Variants in FOXO1 observed in about 807,000 individuals in gnomAD.
FOXO1 encodes the protein forkhead box protein O1.
Under a neutral mutation model 44.1 loss-of-function variants are expected in FOXO1, and 6 were observed. The observed-to-expected ratio is 0.14, with a 90% CI of 0.07 to 0.27. FOXO1 has a LOEUF of 0.27. FOXO1 is among the 10% of genes least tolerant of loss of function. The pLI, the probability that FOXO1 is intolerant of heterozygous loss-of-function variation, is 1.00. For missense variants in FOXO1, 737 were observed against 888.8 expected (o/e 0.83, Z 2.17); for synonymous variants, 380 against 362.7 (o/e 1.05, Z -0.54).
At chr13:40,647,555 C>T (rs1593414114) in intron 1 of FOXO1, among the ~76,000 whole-genome samples, 1 of 151,180 alleles carries the variant, frequency 6.6e-6, no homozygotes, top group Non-Finnish European at 1.5e-5. Context: ...CAGCCGTGCA[C>T]CACCACATCT....
intron 1 of FOXO1, among the ~76,000 whole-genome samples, chr13:40,607,522 T>C (rs1398273989): frequency 1.9e-5 from 1 of 51,848 alleles, no homozygotes; most frequent in African/African-American, 7.7e-5. Context: ...CTGTACTAGA[T>C]GGGTGGGAGG....
chr13:40,610,708 AT>A (rs1876199181), intron 1 of FOXO1, among the ~76,000 whole-genome samples: 1 of 152,360 alleles, frequency 6.6e-6, no homozygotes, highest in South Asian at 2.1e-4. Context: ...ACTACAATCC[AT>A]TTTAAAAAGA....
At chr13:40,631,611 G>A (rs759085592) in intron 1 of FOXO1, among the ~76,000 whole-genome samples, 2 of 152,164 alleles carry the variant, frequency 1.3e-5, no homozygotes, top group Non-Finnish European at 2.9e-5. Flanking sequence ...GAATAGAGTA[G>A]GACACAAGTT....
intron 1 of FOXO1, among the ~76,000 whole-genome samples, chr13:40,615,998 T>C (rs1876410365): frequency 6.6e-6 from 1 of 152,088 alleles, no homozygotes; most frequent in African/African-American, 2.4e-5. Flanking sequence ...GAAAAGCAGT[T>C]AGGAGACAGA....
rs367947864 is a variant in FOXO1, at chr13:40,664,991, A to G, written c.630+592T>C. ...CCCCCGGCACTCGAGGCCACTCCGG[A>G]GAAAACCAAAACAAAGCAAAATGCG... On this transcript the variant is annotated intron_variant, in intron 1 of 2. Transcript: ENST00000379561. Among the ~76,000 whole-genome samples the G allele has an allele frequency of 2.4e-3, 366 of 152,010 alleles. 5 individuals are homozygous for G. The East Asian group carries it at 0.061, about 25-fold the overall frequency.
intron 1 of FOXO1, among the ~76,000 whole-genome samples, chr13:40,575,564 AG>A (rs1182059983): frequency 2.6e-5 from 4 of 152,260 alleles, no homozygotes; most frequent in African/African-American, 9.6e-5. Flanking sequence ...CCTAATGTAA[AG>A]TATTTCAATC....
intron 1 of FOXO1, among the ~76,000 whole-genome samples, chr13:40,561,894 G>A (rs2137825127): frequency 6.9e-6 from 1 of 145,238 alleles, no homozygotes; most frequent in East Asian, 2.0e-4. Context: ...AGACTGCGGT[G>A]AGCTGAGATC....
At chr13:40,607,737 T>C (rs913851318) in intron 1 of FOXO1, among the ~76,000 whole-genome samples, 1 of 152,232 alleles carries the variant, frequency 6.6e-6, no homozygotes, top group Non-Finnish European at 1.5e-5. Flanking sequence ...AACACAAAGG[T>C]GAGAATGGAG....
chr13:40,624,363 G>A (rs528998104), intron 1 of FOXO1, among the ~76,000 whole-genome samples: 1 of 140,896 alleles, frequency 7.1e-6, no homozygotes, highest in Admixed American at 7.1e-5. Context: ...ATTCCTAAGA[G>A]CAAAGAGAAA....
At position 40,560,003 on chromosome 13, in the gene FOXO1, G is replaced by A; in HGVS notation, c.1488C>T (p.Val496=). The change falls in exon 2 of 3, where the codon GTC becomes GTT. Residue 496 remains valine, a synonymous_variant. Transcript: ENST00000379561. The surrounding 1 kb of genome is among the most constrained non-coding windows in gnomAD (Gnocchi z 5.1). The part of the protein sequence containing the change: ...QPNSRVLGQN[V]MMGPNSVMST... ...ACATGACCGAATTAGGGCCCATCATGACGTTCTGGCCCAGAACCCGGCTGT... is the reference window on the plus strand; with the variant it reads ...ACATGACCGAATTAGGGCCCATCATAACGTTCTGGCCCAGAACCCGGCTGT... 6.2e-7 allele frequency: 1 copy of A among 1,614,176 alleles called. No individual in the cohort carries two copies. Among genetic ancestry groups the A allele is most frequent in the East Asian group, 2.2e-5 (1 of 44,876 alleles).
At chr13:40,659,948 G>T (rs1877984970) in intron 1 of FOXO1, among the ~76,000 whole-genome samples, 1 of 152,190 alleles carries the variant, frequency 6.6e-6, no homozygotes, top group African/African-American at 2.4e-5. Flanking sequence ...GAATTTCTGT[G>T]CCACTGACTT....
chr13:40,651,444 CAATAA>C (rs1877684607), intron 1 of FOXO1, among the ~76,000 whole-genome samples: 1 of 152,058 alleles, frequency 6.6e-6, no homozygotes, highest in South Asian at 2.1e-4. Context: ...AAGAGGATAT[CAATAA>C]CATCAAAACA....
intron 1 of FOXO1, among the ~76,000 whole-genome samples, chr13:40,615,468 G>T (rs1211790366): frequency 1.3e-5 from 2 of 152,068 alleles, no homozygotes; most frequent in Non-Finnish European, 2.9e-5. Flanking sequence ...GGAGGTGGAG[G>T]TTGCAGTGAG....
intron 1 of FOXO1, among the ~76,000 whole-genome samples, chr13:40,643,376 C>G (rs990113311): frequency 6.6e-6 from 1 of 150,548 alleles, no homozygotes; most frequent in African/African-American, 2.4e-5. Context: ...AAAGAAGATA[C>G]ATATGTATAA....
chr13:40,646,510 G>A lies in FOXO1; in HGVS notation c.630+19073C>T, dbSNP rs546464795. ...CCAACTACTGTGACTTCTAAAAGGT[G>A]AATATTATAAAATTCTAGCTTAACC... On this transcript the variant is annotated intron_variant, in intron 1 of 2. Transcript: ENST00000379561. 1.5e-4 allele frequency among the ~76,000 whole-genome samples: 23 copies of A among 152,128 alleles called. No individual in the cohort carries two copies. In the South Asian group the frequency reaches 4.8e-3, roughly 32 times the overall value.
intron 1 of FOXO1, among the ~76,000 whole-genome samples, chr13:40,603,907 T>C (rs930382450): frequency 2.0e-5 from 3 of 152,196 alleles, no homozygotes; most frequent in Non-Finnish European, 4.4e-5. Context: ...ACTCAACTAC[T>C]GTACTAGAGC....
intron 1 of FOXO1, chr13:40,619,534 G>A: frequency 7.3e-7 from 1 of 1,370,214 alleles, no homozygotes; most frequent in Non-Finnish European, 1.0e-6. Flanking sequence ...TAGAGGATCT[G>A]AAATTCATGG....
chr13:40,586,792 C>T (rs769890691), intron 1 of FOXO1, among the ~76,000 whole-genome samples: 17 of 152,192 alleles, frequency 1.1e-4, no homozygotes, highest in Middle Eastern at 3.4e-3. Flanking sequence ...CTGATGGGTA[C>T]GGAAGTTACT....
chr13:40,637,967 A>G (rs1877216541), intron 1 of FOXO1, among the ~76,000 whole-genome samples: 1 of 152,250 alleles, frequency 6.6e-6, no homozygotes, highest in Non-Finnish European at 1.5e-5. Flanking sequence ...TACTGGAGGC[A>G]CCACACTTAG....
Sources: allele counts gnomAD v4.1 joint callset (sites outside exome capture counted in the v4.1 genomes callset), GRCh38; gene constraint gnomAD v4.1.1; non-coding constraint Gnocchi (gnomAD v3.1); transcripts MANE v1.5; gene names NCBI Gene and HGNC (gene_info 2026-07-23, HGNC 2026-07-21).